The following C2 variants were observed in gnomAD, a reference collection of about 807,000 sequenced individuals.
C2 encodes the protein C3/C5 convertase.
Under a neutral mutation model 85.2 loss-of-function variants are expected in C2, and 64 were observed. The ratio of observed to expected loss-of-function variants is 0.75; its 90% CI spans 0.61 to 0.92. The LOEUF (loss-of-function observed/expected upper bound fraction) is 0.92. C2 is among the 40% of genes least tolerant of loss of function. The probability of loss-of-function intolerance (pLI) is 0.00; values close to 1 mark genes in which losing one functional copy is unlikely to be tolerated. For synonymous variants in C2, 311 were observed against 370.8 expected, an observed-to-expected ratio of 0.84 and a Z score of 1.85; for missense variants, 820 against 971.6, an observed-to-expected ratio of 0.84 and a Z score of 2.07.
chr6:31,928,320 G>C lies in C2; in HGVS notation c.256+156G>C, dbSNP rs1769432780. 4.1e-6 allele frequency: 3 copies of C among 723,378 alleles called. No homozygotes were observed. In the South Asian group the frequency reaches 4.7e-5, roughly 11 times the overall value. 44.8% of individuals were successfully genotyped at this position (723,378 alleles called of 1,614,324 possible). On this transcript the variant is annotated intron_variant, in intron 2 of 17. Transcript: ENST00000299367. ...AATATCCAGAAAATGTCAATTGCCAGTAGCAAGGAATTGGGAACAGGTCTT... is the reference window on the plus strand; with the variant it reads ...AATATCCAGAAAATGTCAATTGCCACTAGCAAGGAATTGGGAACAGGTCTT...
chr6:31,914,605 A>G (rs1255260057), intron 1 of C2, among the ~76,000 whole-genome samples: 3 of 132,008 alleles, frequency 2.3e-5, no homozygotes, highest in African/African-American at 8.7e-5. Context: ...AAAAAAAAGA[A>G]GACTATAGTT....
intron 1 of C2, chr6:31,901,986 G>C (rs1435528540): frequency 6.7e-6 from 1 of 148,828 alleles, no homozygotes; most frequent in Non-Finnish European, 1.5e-5. Flanking sequence ...CCGGCTCCGC[G>C]TGGGCGTAAG....
In C2 at chr6:31,920,087, T is replaced by C. The variant is rs993931628; in HGVS notation, c.-100+61T>C. The C allele has an allele frequency of 6.6e-6, 1 of 152,314 alleles. No homozygotes were observed. The highest frequency in any genetic ancestry group is 6.5e-5 in the Admixed American group (1 of 15,278). The allele number at this position is 152,314 out of a possible 1,614,324, so 9.4% of individuals were successfully genotyped here. A position where few individuals can be genotyped will look rare whatever the true frequency, so the allele number is the denominator to read the frequency against. On this transcript the variant is annotated intron_variant, in intron 1 of 3. Coordinates refer to the C2 transcript ENST00000413154. The surrounding 1 kb of genome is among the most constrained non-coding windows in gnomAD (Gnocchi z 5.6). ...AAGCCAAACCTGAGGTTCCAGGCTG[T>C]CTTAAGTCAAAGCCTGAATTCCTCA... is the stretch of plus-strand genomic sequence containing the variant.
intron 8 of C2, 25 bp from the exon 9 acceptor site, chr6:31,939,206 G>T (rs1770679950): frequency 6.5e-7 from 1 of 1,533,304 alleles, no homozygotes. Context: ...TTACCTAGAA[G>T]AATTCTTTAT....
In C2 at chr6:31,936,051, C is replaced by T. The variant is rs756413100; in HGVS notation, c.978C>T (p.Ala326=). The T allele has an allele frequency of 1.1e-5, 17 of 1,612,784 alleles. No individual in the cohort carries two copies. The highest frequency in any genetic ancestry group is 1.6e-4 in the Middle Eastern group (1 of 6,084). The change falls in exon 7 of 18, where the codon GCC becomes GCT. Residue 326 remains alanine (A), a synonymous_variant. Coordinates refer to ENST00000299367, the MANE Select transcript of C2 (RefSeq NM_000063.6). ...AGGTGATCAGCAGCCTGGAAAATGC[C>T]AACTATAAAGGTACGGGTGTCATCA... is the stretch of plus-strand genomic sequence containing the variant. ...MTEVISSLEN[A]NYKDHENGTG...
rs1423442576 is a variant in C2, at chr6:31,944,825, G to A, written c.2001G>A (p.Gly667=). 6.2e-7 allele frequency: 1 copy of A among 1,613,072 alleles called. No individual in the cohort carries two copies. Among genetic ancestry groups the A allele is most frequent in the Non-Finnish European group, 8.5e-7 (1 of 1,180,028 alleles). ...TGACAGACCAGTTCCTATGCAGTGG[G>A]ACCCAGGAGGATGAGAGTCCCTGCA... The part of the protein sequence containing the change: ...EVVTDQFLCS[G]TQEDESPCKG... The change falls in exon 16 of 18, where the codon GGG becomes GGA. Residue 667 remains glycine (G), a synonymous_variant. Coordinates refer to ENST00000299367, the MANE Select transcript of C2 (RefSeq NM_000063.6). This position sits in a 1 kb window ranked among gnomAD's most constrained non-coding sequence, Gnocchi z 5.1.
At chr6:31,929,488 A>AG (rs1358474017) in intron 3 of C2, among the ~76,000 whole-genome samples, 9 of 152,108 alleles carry the variant, frequency 5.9e-5, no homozygotes, top group Admixed American at 1.3e-4. Flanking sequence ...TGGGAGGCCA[A>AG]GGGGGGTGGA....
At chr6:31,902,109 G>C (rs1767371339) in intron 1 of C2, 1 of 151,416 alleles carries the variant, frequency 6.6e-6, no homozygotes, top group Admixed American at 6.6e-5. Context: ...TAAAGGAGCA[G>C]GATCCCCCCT....
intron 2 of C2, 47 bp from the exon 3 acceptor site, chr6:31,928,685 G>T (rs374124173): frequency 6.3e-7 from 1 of 1,589,910 alleles, no homozygotes; most frequent in East Asian, 2.2e-5. Context: ...CAGCCCAGGT[G>T]TTATCCATCC....
intron 1 of C2, among the ~76,000 whole-genome samples, chr6:31,914,861 C>G (rs1005111019): frequency 1.3e-5 from 2 of 151,946 alleles, no homozygotes; most frequent in Non-Finnish European, 2.9e-5. Flanking sequence ...TGCAGTGAGC[C>G]AAGATCACAC....
intron 9 of C2, among the ~76,000 whole-genome samples, chr6:31,942,468 G>A (rs974850718): frequency 4.0e-5 from 6 of 151,238 alleles, no homozygotes; most frequent in African/African-American, 7.3e-5. Flanking sequence ...CAGGTGGTAG[G>A]TGACACAAGC....
At chr6:31,916,891 G>C (rs62395854), upstream of C2, among the ~76,000 whole-genome samples, 1 of 117,220 alleles carries the variant, frequency 8.5e-6, no homozygotes, top group Non-Finnish European at 1.7e-5. Flanking sequence ...AAAAAAAAAG[G>C]CTGGCTGTGG....
chr6:31,945,108 G>A lies in C2; in HGVS notation c.2080-70G>A. On this transcript the variant is annotated intron_variant, in intron 17 of 17. Transcript: ENST00000299367. The surrounding 1 kb of genome is among the most constrained non-coding windows in gnomAD (Gnocchi z 5.3). Reference sequence around the variant, plus strand: ...GGGGGGATGAGGGAGGCCTTTGAGGGATCTAGGGAGGTTGGGGCTTACAGT... The same window carrying A: ...GGGGGGATGAGGGAGGCCTTTGAGGAATCTAGGGAGGTTGGGGCTTACAGT... 1 of 1,609,412 alleles carries A rather than the reference G, an allele frequency of 6.2e-7. No homozygotes were observed. The highest frequency in any genetic ancestry group is 8.5e-7 in the Non-Finnish European group (1 of 1,176,814).
chr6:31,936,236 C>T (rs1770411288), intron 7 of C2, 175 bp downstream of exon 7: 2 of 674,150 alleles, frequency 3.0e-6, no homozygotes, highest in Non-Finnish European at 5.2e-6. Flanking sequence ...CCAGCTGCCC[C>T]CAGCTCATAG....
chr6:31,921,452 G>C lies in C2; in HGVS notation c.-100+1426G>C, dbSNP rs1218920913. On this transcript the variant is annotated intron_variant, in intron 1 of 3. Coordinates refer to the C2 transcript ENST00000413154. The surrounding 1 kb of genome is among the most constrained non-coding windows in gnomAD (Gnocchi z 4.6). ...TGGGAGAGGGGGTGCCAAGAGGAAA[G>C]AGCCTAGGGGAGAGAGGGCTTGGAA... 2.0e-5 allele frequency among the ~76,000 whole-genome samples: 3 copies of C among 152,128 alleles called. No individual in the cohort carries two copies. Among genetic ancestry groups the C allele is most frequent in the Non-Finnish European group, 2.9e-5 (2 of 68,018 alleles).
At chr6:31,925,362 G>A (rs1484520711), upstream of C2, among the ~76,000 whole-genome samples, 29 of 150,420 alleles carry the variant, frequency 1.9e-4, no homozygotes. Context: ...GTGTGATCTC[G>A]GCTCACTGCA....
chr6:31,931,417 G>C (rs910378410), intron 3 of C2, among the ~76,000 whole-genome samples: 21 of 151,556 alleles, frequency 1.4e-4, no homozygotes, highest in African/African-American at 5.1e-4. Flanking sequence ...GCGGCCTTCC[G>C]CAGTGTTTGT....
upstream of C2, chr6:31,927,392 T>C (rs1562581818): frequency 1.6e-5 from 12 of 758,816 alleles, no homozygotes; most frequent in Non-Finnish European, 2.1e-5. This position sits in a 1 kb window ranked among gnomAD's most constrained non-coding sequence, Gnocchi z 4.7. Context: ...AAGGTGCATG[T>C]GTGCACACAC....
chr6:31,902,700 G>A (rs1254505488), intron 1 of C2, among the ~76,000 whole-genome samples: 1 of 152,106 alleles, frequency 6.6e-6, no homozygotes, highest in African/African-American at 2.4e-5. Flanking sequence ...AAAGCCAGAC[G>A]ATCCAGTGCC....
Sources: gnomAD v4.1 joint callset for allele counts (sites outside exome capture counted in the v4.1 genomes callset) on GRCh38, gnomAD v4.1.1 for gene constraint, Gnocchi (gnomAD v3.1) non-coding constraint, MANE v1.5 for transcripts, NCBI Gene and HGNC (gene_info 2026-07-23, HGNC 2026-07-21) for gene names.